Variants in PLCE1 observed in about 807,000 individuals in gnomAD.
PLCE1 encodes 1-phosphatidylinositol 4,5-bisphosphate phosphodiesterase epsilon-1.
PLCE1 carries 119 observed loss-of-function variants against 242.8 expected under a neutral mutation model. The ratio of observed to expected loss-of-function variants is 0.49; its 90% CI spans 0.42 to 0.57. The LOEUF is 0.57. Among genes scored for constraint, PLCE1 ranks in the 20% least tolerant of loss-of-function variants. PLCE1 has a pLI of 0.00. For missense variants in PLCE1, 2,441 were observed against 2,788.8 expected (o/e 0.88, Z 2.81); for synonymous variants, 945 against 1,017.4 (o/e 0.93, Z 1.35).
intron 2 of PLCE1, chr10:94,082,337 A>G (rs1191517304): frequency 6.6e-6 from 1 of 152,254 alleles, no homozygotes; most frequent in East Asian, 1.9e-4. Flanking sequence ...GCTTCCTAGC[A>G]ACTGAAGCAA....
intron 2 of PLCE1, chr10:94,082,102 G>A (rs1378182517): frequency 1.3e-5 from 2 of 152,158 alleles, no homozygotes; most frequent in Non-Finnish European, 2.9e-5. Flanking sequence ...ATAGGGAGTA[G>A]ATCTTCATAG....
intron 4 of PLCE1, among the ~76,000 whole-genome samples, chr10:94,187,975 C>A (rs1035740733): frequency 1.3e-5 from 2 of 152,062 alleles, no homozygotes; most frequent in African/African-American, 4.8e-5. Flanking sequence ...TGCCCTGGTC[C>A]CTAGGTACGC....
intron 2 of PLCE1, among the ~76,000 whole-genome samples, chr10:94,045,051 A>T (rs2061850233): frequency 6.6e-6 from 1 of 152,084 alleles, no homozygotes; most frequent in Non-Finnish European, 1.5e-5. Context: ...CCTAGGCTGA[A>T]GTATAGTGGT....
chr10:94,127,017 A>G (rs902671342), intron 2 of PLCE1, among the ~76,000 whole-genome samples: 2 of 152,202 alleles, frequency 1.3e-5, no homozygotes, highest in Non-Finnish European at 2.9e-5. Flanking sequence ...GCCTCTTACT[A>G]GGTGTGTAAG....
chr10:94,250,169 C>T (rs1029309341), intron 8 of PLCE1, among the ~76,000 whole-genome samples: 1 of 143,266 alleles, frequency 7.0e-6, no homozygotes, highest in Admixed American at 7.1e-5. Flanking sequence ...TAAAATTGAA[C>T]ATGTGCCTTC....
intron 31 of PLCE1, 62 bp from the exon 32 acceptor site, chr10:94,324,830 G>A: frequency 3.3e-6 from 5 of 1,505,584 alleles, no homozygotes; most frequent in Non-Finnish European, 4.6e-6. Context: ...CTGAAATAGT[G>A]TCATGTGACA....
At chr10:94,262,952 A>G (rs939256820) in intron 14 of PLCE1, among the ~76,000 whole-genome samples, 3 of 149,610 alleles carry the variant, frequency 2.0e-5, no homozygotes, top group African/African-American at 7.4e-5. Context: ...GCTCACTACA[A>G]CCTCCGCCTC....
chr10:94,308,782 C>A, intron 27 of PLCE1, 83 bp downstream of exon 27: 8 of 870,882 alleles, frequency 9.2e-6, no homozygotes, highest in South Asian at 1.3e-5. Context: ...GCAAAGTGGT[C>A]GGTGTGAGTT....
chr10:94,085,700 A>G (rs867331975), intron 2 of PLCE1, among the ~76,000 whole-genome samples: 3 of 152,212 alleles, frequency 2.0e-5, no homozygotes, highest in Admixed American at 6.5e-5. Context: ...AATAGTTCCC[A>G]TGGAATATTC....
chr10:94,132,066 G>A (rs1475765274), intron 2 of PLCE1, 108 bp from the exon 3 acceptor site: 2 of 1,006,108 alleles, frequency 2.0e-6, no homozygotes, highest in African/African-American at 3.2e-5. Context: ...TGCACTTGGA[G>A]CATCTGAGCC....
chr10:94,173,736 T>C (rs1490411064), intron 4 of PLCE1, among the ~76,000 whole-genome samples: 1 of 152,168 alleles, frequency 6.6e-6, no homozygotes, highest in East Asian at 1.9e-4. Context: ...TCTCTGAAAA[T>C]AGTTTAGCTA....
At chr10:94,270,968 C>T (rs1029767880) in intron 18 of PLCE1, among the ~76,000 whole-genome samples, 1 of 152,138 alleles carries the variant, frequency 6.6e-6, no homozygotes, top group Non-Finnish European at 1.5e-5. Context: ...CTGCACCCAG[C>T]CGTCATTAGG....
chr10:94,301,365 ATT>A (rs2053033222), intron 24 of PLCE1, among the ~76,000 whole-genome samples: 1 of 151,946 alleles, frequency 6.6e-6, no homozygotes, highest in Non-Finnish European at 1.5e-5. Context: ...GAAAAAGAAA[ATT>A]ATATATATAG....
chr10:94,116,483 T>C (rs2046133859), intron 2 of PLCE1, among the ~76,000 whole-genome samples: 1 of 152,102 alleles, frequency 6.6e-6, no homozygotes, highest in Non-Finnish European at 1.5e-5. Context: ...TCACCTGAGA[T>C]TAGGAGTTCA....
chr10:94,058,598 T>C (rs937640754), intron 2 of PLCE1, among the ~76,000 whole-genome samples: 1 of 152,156 alleles, frequency 6.6e-6, no homozygotes, highest in African/African-American at 2.4e-5. Context: ...CCTCCCTTCA[T>C]TGGTCAGGTT....
chr10:94,072,019 C>T (rs888778893), intron 2 of PLCE1, among the ~76,000 whole-genome samples: 3 of 152,180 alleles, frequency 2.0e-5, no homozygotes, highest in Non-Finnish European at 2.9e-5. Flanking sequence ...CATCATTCTG[C>T]CTGCATTTGG....
rs765106847 is a variant in PLCE1 at position 94,265,876 on chromosome 10, A to G, written c.4199A>G (p.Tyr1400Cys). 8 of 1,613,938 alleles carry G rather than the reference A, an allele frequency of 5.0e-6. No homozygotes were observed. The highest frequency in any genetic ancestry group is 6.8e-6 in the Non-Finnish European group (8 of 1,179,946). The change falls in exon 16 of 33, where the codon TAC becomes TGC. Residue 1400 changes from tyrosine (Y) to cysteine (C), a missense_variant. Physicochemically the swap from Tyr to Cys is radical, Grantham distance 194. Coordinates refer to ENST00000371380, the MANE Select transcript of PLCE1 (RefSeq NM_016341.4). ...NIKELQLPLS[Y>C]YYIESSHNTY... The stretch of plus-strand genomic sequence containing the variant: ...AAAGAACTGCAGCTACCCCTCTCAT[A>G]CTATTACATCGAATCTTCGCACAAT...
intron 24 of PLCE1, 96 bp from the exon 25 acceptor site, chr10:94,304,386 T>C (rs1470310272): frequency 1.8e-6 from 2 of 1,120,190 alleles, no homozygotes; most frequent in Non-Finnish European, 2.7e-6. Flanking sequence ...TTAGGGAAAA[T>C]TGATGCAAAG....
chr10:94,051,386 A>C (rs990933862), intron 2 of PLCE1, among the ~76,000 whole-genome samples: 1 of 151,212 alleles, frequency 6.6e-6, no homozygotes. Context: ...AGAACCGTGC[A>C]TGAAGATTTT....
Sources: gnomAD v4.1 joint callset for allele counts (sites outside exome capture counted in the v4.1 genomes callset) on GRCh38, gnomAD v4.1.1 for gene constraint, MANE v1.5 for transcripts, NCBI Gene and HGNC (gene_info 2026-07-23, HGNC 2026-07-21) for gene names.